Variants in RTN4 observed in about 807,000 individuals in gnomAD.
RTN4 encodes the protein reticulon 4, also known as reticulon-4.
In RTN4, 32 loss-of-function variants were observed where a neutral mutation model predicts 90.4. The observed-to-expected ratio is 0.35, with a 90% CI of 0.27 to 0.48. RTN4 has a LOEUF of 0.48. Ranked by LOEUF, RTN4 falls within the 20% of genes least tolerant of loss-of-function variation. The pLI is 0.99. For missense variants in RTN4, 1,706 were observed against 1,430.2 expected (o/e 1.19, Z -3.11); for synonymous variants, 629 against 552.5 (o/e 1.14, Z -1.94).
chr2:55,064,955 T>C lies in RTN4; in HGVS notation c.-63+15534A>G, dbSNP rs115427553. ...AGATTAATAATATAAATTAATAGCTTTAATTTTCCATTTCGAATGCATGTG... is the reference window on the plus strand; with the variant it reads ...AGATTAATAATATAAATTAATAGCTCTAATTTTCCATTTCGAATGCATGTG... On this transcript the variant is annotated intron_variant, in intron 2 of 3. Coordinates refer to the RTN4 transcript ENST00000427710. Among the ~76,000 whole-genome samples, 501 of 152,308 alleles carry C rather than the reference T, an allele frequency of 3.3e-3. 4 individuals carry two copies. Among genetic ancestry groups the C allele is most frequent in the African/African-American group, 0.012 (487 of 41,564 alleles).
chr2:55,106,939 C>T (rs1464513847), intron 1 of RTN4, among the ~76,000 whole-genome samples: 2 of 152,050 alleles, frequency 1.3e-5, no homozygotes, highest in Admixed American at 6.6e-5. Context: ...TGAATATCAC[C>T]GTAAGTGTAA....
At chr2:55,001,581 T>C (rs1026794573) in intron 3 of RTN4, among the ~76,000 whole-genome samples, 1 of 152,212 alleles carries the variant, frequency 6.6e-6, no homozygotes, top group Non-Finnish European at 1.5e-5. Flanking sequence ...ATTACCTAAA[T>C]GTCTTGTCAG....
intron 5 of RTN4, 127 bp downstream of exon 5, chr2:54,982,388 A>C (rs1029805834): frequency 2.4e-6 from 2 of 828,996 alleles, no homozygotes; most frequent in Non-Finnish European, 3.6e-6. Context: ...TTAAAACACA[A>C]GTTTACAGCC....
At position 55,109,334 on chromosome 2, in the gene RTN4, A is replaced by G. The variant is rs140453770; in HGVS notation, c.-214+3186T>C. ...TAGATGCAAAGTTAAAGAAATGTCA[A>G]TGCTGATAATAAATTGCTCAGGGTG... is the stretch of plus-strand genomic sequence containing the variant. On this transcript the variant is annotated intron_variant, in intron 1 of 3. Coordinates refer to the RTN4 transcript ENST00000427710. 5.7e-4 allele frequency among the ~76,000 whole-genome samples: 87 copies of G among 152,278 alleles called. 1 individual carries two copies. The highest frequency in any genetic ancestry group is 2.0e-3 in the African/African-American group (83 of 41,510).
the RTN4 span, among the ~76,000 whole-genome samples, chr2:55,120,394 A>G: frequency 6.6e-6 from 1 of 152,268 alleles, no homozygotes; most frequent in East Asian, 1.9e-4. Context: ...ACTAGAGCCC[A>G]GGCTTGGGCC....
At chr2:55,055,216 G>C (rs1668167266), upstream of RTN4, among the ~76,000 whole-genome samples, 1 of 151,524 alleles carries the variant, frequency 6.6e-6, no homozygotes, top group Non-Finnish European at 1.5e-5. Flanking sequence ...TCAGATACGA[G>C]AAAGTTAATT....
chr2:55,025,274 C>T lies in RTN4; in HGVS notation c.2825G>A (p.Gly942Glu). 1.2e-6 allele frequency: 2 copies of T among 1,613,778 alleles called. No homozygotes were observed. The highest frequency in any genetic ancestry group is 1.7e-6 in the Non-Finnish European group (2 of 1,179,844). Residue 942 changes from glycine (G) to glutamate (E), a missense_variant, in exon 3 of 9, where the codon GGG becomes GAG. By Grantham distance (98) the Gly-to-Glu change is moderately conservative. Coordinates refer to ENST00000337526, the MANE Select transcript of RTN4 (RefSeq NM_020532.5). ...ISFSDDFSKN[G>E]SATSKVLLLP... is the part of the protein sequence containing the mutation. ...TAAGAGCACCTTTGATGTAGCAGACCCATTTTTAGAAAAGTCATCTGAGAA... is the reference window on the plus strand; with the variant it reads ...TAAGAGCACCTTTGATGTAGCAGACTCATTTTTAGAAAAGTCATCTGAGAA...
At chr2:54,983,631 A>G (rs1003029034) in intron 4 of RTN4, among the ~76,000 whole-genome samples, 1 of 152,016 alleles carries the variant, frequency 6.6e-6, no homozygotes, top group African/African-American at 2.4e-5. Context: ...CAGTGCCATC[A>G]CTCTATTTTA....
At chr2:55,099,515 C>T (rs753325145) in intron 1 of RTN4, among the ~76,000 whole-genome samples, 2 of 151,998 alleles carry the variant, frequency 1.3e-5, no homozygotes, top group Non-Finnish European at 2.9e-5. Flanking sequence ...CTTGACTCAG[C>T]CATTTCTTCA....
chr2:55,036,599 C>CAAAAAAAAAAAAAAAAAAAAAAAAAAAAA (rs71410411), intron 1 of RTN4, among the ~76,000 whole-genome samples: 1 of 72,988 alleles, frequency 1.4e-5, no homozygotes, highest in Non-Finnish European at 2.6e-5. Flanking sequence ...AAGACTGTCT[C>CAAAAAAAAAAAAAAAAAAAAAAAAAAAAA]AAAAAAAAAA....
In RTN4 at chr2:54,973,641, GA is replaced by G; in HGVS notation, c.3478-21del. The G allele has an allele frequency of 6.3e-7, 1 of 1,592,174 alleles. No individual in the cohort carries two copies. Among genetic ancestry groups the G allele is most frequent in the Non-Finnish European group, 8.6e-7 (1 of 1,160,308 alleles). On this transcript the variant is annotated intron_variant, in intron 7 of 8. Coordinates refer to ENST00000337526, the MANE Select transcript of RTN4 (RefSeq NM_020532.5). ...CTGTGCCTGAAAGAGAGGTATAAAG[GA>G]ATTATTACCGTTGCTAAAGAATCTT...
intron 1 of RTN4, among the ~76,000 whole-genome samples, chr2:55,081,599 C>T (rs964535546): frequency 6.6e-6 from 1 of 152,062 alleles, no homozygotes; most frequent in Non-Finnish European, 1.5e-5. Flanking sequence ...CATGGTGGCT[C>T]AGACCTGTAA....
At chr2:55,134,683 G>A in the RTN4 span, among the ~76,000 whole-genome samples, 1 of 152,176 alleles carries the variant, frequency 6.6e-6, no homozygotes, top group Non-Finnish European at 1.5e-5. Context: ...CTTACACAGA[G>A]TTCTAGGTTT....
In RTN4 at chr2:55,045,325, C is replaced by T. The variant is rs147740212; in HGVS notation, c.556+4420G>A. Among the ~76,000 whole-genome samples the T allele has an allele frequency of 2.0e-3, 303 of 152,246 alleles. 2 individuals are homozygous for T. Among genetic ancestry groups the T allele is most frequent in the Middle Eastern group, 6.8e-3 (2 of 294 alleles). ...CAATTCGTCTTTCATACAGCCTCTT[C>T]GTAAACTAACTATAAAAACAGATTC... On this transcript the variant is annotated intron_variant, in intron 1 of 8. Coordinates refer to ENST00000337526, the MANE Select transcript of RTN4 (RefSeq NM_020532.5).
intron 1 of RTN4, chr2:55,046,939 A>G (rs1230254062): frequency 6.6e-6 from 1 of 152,198 alleles, no homozygotes; most frequent in East Asian, 1.9e-4. Flanking sequence ...ATTCCAAGAG[A>G]GTGCTGTCAC....
upstream of RTN4, among the ~76,000 whole-genome samples, chr2:55,053,558 C>T (rs1386675573): frequency 6.6e-6 from 1 of 151,766 alleles, no homozygotes; most frequent in South Asian, 2.1e-4. Context: ...TGGTGGTGCA[C>T]ACCTGTAACC....
intron 3 of RTN4, among the ~76,000 whole-genome samples, chr2:55,011,247 A>C (rs1420173605): frequency 2.6e-5 from 4 of 152,036 alleles, no homozygotes; most frequent in Non-Finnish European, 5.9e-5. Flanking sequence ...AGCTGGTCAC[A>C]AACTCCTGGG....
At position 55,027,378 on chromosome 2, in the gene RTN4, G is replaced by T; in HGVS notation, c.721C>A (p.Leu241Ile). The change falls in exon 3 of 9, where the codon CTC (leucine) becomes ATC (isoleucine). Residue 241 changes from leucine to isoleucine, a missense_variant. By Grantham distance (5) the Leu-to-Ile change is conservative. Transcript: ENST00000337526. Reference sequence around the variant, plus strand: ...TGTTCTTTGAAAGAAGCGGCTGAGAGAGGAGACAGAGAAGGAAGAGAAGCA... The same window carrying T: ...TGTTCTTTGAAAGAAGCGGCTGAGATAGGAGACAGAGAAGGAAGAGAAGCA... ...TAASLPSLSP[L>I]SAASFKEHEY... 6.2e-7 allele frequency: 1 copy of T among 1,613,684 alleles called. No homozygotes were observed. Among genetic ancestry groups the T allele is most frequent in the East Asian group, 2.2e-5 (1 of 44,872 alleles).
At chr2:55,009,687 C>T (rs1209127004) in intron 3 of RTN4, among the ~76,000 whole-genome samples, 1 of 152,156 alleles carries the variant, frequency 6.6e-6, no homozygotes, top group African/African-American at 2.4e-5. Flanking sequence ...CAAACCTTTG[C>T]ACAGAATTTC....
Sources: allele counts gnomAD v4.1 joint callset (sites outside exome capture counted in the v4.1 genomes callset), GRCh38; gene constraint gnomAD v4.1.1; transcripts MANE v1.5; gene names NCBI Gene and HGNC (gene_info 2026-07-23, HGNC 2026-07-21).